ATP11B: variants seen among roughly 807,000 people sequenced by gnomAD.
ATP11B encodes phospholipid-transporting ATPase IF.
In ATP11B, 81 loss-of-function variants were observed where a neutral mutation model predicts 157.8. The observed-to-expected ratio is 0.51, with a 90% confidence interval of 0.43 to 0.62. ATP11B has a LOEUF of 0.62. ATP11B is among the 20% of genes least tolerant of loss of function. The probability of loss-of-function intolerance (pLI) is 0.00; values close to 1 mark genes in which losing one functional copy is unlikely to be tolerated. For missense variants in ATP11B, 1,165 were observed against 1,402.2 expected (o/e 0.83, Z 2.70); for synonymous variants, 451 against 469.4 (o/e 0.96, Z 0.51).
At chr3:182,844,999 TTTTTTTA>T (rs1577010761) in intron 8 of ATP11B, among the ~76,000 whole-genome samples, 1 of 117,906 alleles carries the variant, frequency 8.5e-6, no homozygotes, top group African/African-American at 3.7e-5. Flanking sequence ...TTTTTATTTT[TTTTTTTA>T]TTTTTTTTTA....
chr3:182,867,676 C>T (rs1197932895), intron 15 of ATP11B, among the ~76,000 whole-genome samples: 1 of 151,576 alleles, frequency 6.6e-6, no homozygotes, highest in Non-Finnish European at 1.5e-5. Context: ...CTCCACCTCC[C>T]AGGTTCAAGT....
At chr3:182,908,520 C>G (rs191080055) in intron 28 of ATP11B, 1 of 152,172 alleles carries the variant, frequency 6.6e-6, no homozygotes, top group African/African-American at 2.4e-5. Context: ...GTAATACATA[C>G]AGAAATCTCC....
At chr3:182,798,116 G>C (rs1433863762) in intron 1 of ATP11B, among the ~76,000 whole-genome samples, 1 of 152,200 alleles carries the variant, frequency 6.6e-6, no homozygotes, top group Non-Finnish European at 1.5e-5. Context: ...TAGCCTGGGT[G>C]ACAGAGTGAG....
At chr3:182,909,118 A>T (rs908174862) in intron 28 of ATP11B, among the ~76,000 whole-genome samples, 24 of 152,254 alleles carry the variant, frequency 1.6e-4, no homozygotes, top group African/African-American at 5.1e-4. Context: ...TCTAAAATTT[A>T]TAAGATTTAA....
chr3:182,869,442 T>TA, intron 17 of ATP11B, 111 bp downstream of exon 17: 1 of 711,410 alleles, frequency 1.4e-6, no homozygotes, highest in Non-Finnish European at 2.2e-6. Context: ...GCAGTTGTGT[T>TA]ACACTGTGTG....
At chr3:182,846,465 C>A (rs886853480) in intron 9 of ATP11B, among the ~76,000 whole-genome samples, 2 of 152,182 alleles carry the variant, frequency 1.3e-5, no homozygotes, top group African/African-American at 4.8e-5. Flanking sequence ...AATGATCCCA[C>A]ACTACATATA....
intron 1 of ATP11B, among the ~76,000 whole-genome samples, chr3:182,819,830 C>G (rs963879224): frequency 1.3e-5 from 2 of 152,078 alleles, no homozygotes; most frequent in Admixed American, 6.5e-5. Flanking sequence ...TTCCACATCA[C>G]TGAGTAGAAA....
At chr3:182,801,604 T>C (rs1463456497) in intron 1 of ATP11B, among the ~76,000 whole-genome samples, 1 of 152,188 alleles carries the variant, frequency 6.6e-6, no homozygotes, top group Non-Finnish European at 1.5e-5. Context: ...TTGTTTTATC[T>C]ATTCCCCCCA....
intron 24 of ATP11B, among the ~76,000 whole-genome samples, chr3:182,888,195 A>G (rs1722927391): frequency 6.6e-6 from 1 of 152,182 alleles, no homozygotes; most frequent in Non-Finnish European, 1.5e-5. Context: ...GTTCCTCAGG[A>G]CCAGCTATGG....
intron 10 of ATP11B, 117 bp from the exon 11 acceptor site, chr3:182,857,761 G>C (rs970552134): frequency 1.8e-6 from 1 of 551,740 alleles, no homozygotes; most frequent in African/African-American, 1.9e-5. Flanking sequence ...TTTTAAAATA[G>C]TTACAGTAAT....
At chr3:182,915,350 T>C in intron 29 of ATP11B, 1 of 985,364 alleles carries the variant, frequency 1.0e-6, no homozygotes. Context: ...GTAATTTCAT[T>C]CCACGTAGAA....
intron 1 of ATP11B, among the ~76,000 whole-genome samples, chr3:182,798,182 A>G (rs1206907141): frequency 1.3e-5 from 2 of 152,230 alleles, no homozygotes; most frequent in African/African-American, 4.8e-5. Context: ...GTGGAAGTCT[A>G]GATATCTCAC....
chr3:182,843,147 T>C (rs1244621330), intron 8 of ATP11B, among the ~76,000 whole-genome samples: 3 of 152,244 alleles, frequency 2.0e-5, no homozygotes, highest in Non-Finnish European at 4.4e-5. Context: ...TCATTTACCC[T>C]CAGCTATTAT....
At chr3:182,885,054 A>C (rs1046754848) in intron 22 of ATP11B, among the ~76,000 whole-genome samples, 156 bp downstream of exon 22, 1 of 152,166 alleles carries the variant, frequency 6.6e-6, no homozygotes, top group African/African-American at 2.4e-5. Context: ...ACAGAAAGCA[A>C]ATCAGTGGTT....
chr3:182,845,135 G>C (rs1308064253), intron 8 of ATP11B, among the ~76,000 whole-genome samples: 1 of 151,998 alleles, frequency 6.6e-6, no homozygotes, highest in African/African-American at 2.4e-5. Context: ...CTCCTGAGTA[G>C]CTGGGACTAC....
chr3:182,847,583 A>G (rs1719634230), intron 9 of ATP11B, among the ~76,000 whole-genome samples: 1 of 152,232 alleles, frequency 6.6e-6, no homozygotes, highest in Non-Finnish European at 1.5e-5. Context: ...AAGTCAAGAT[A>G]AAACTTCCAG....
At chr3:182,872,595 A>G in intron 18 of ATP11B, 58 bp downstream of exon 18, 1 of 1,371,580 alleles carries the variant, frequency 7.3e-7, no homozygotes, top group Non-Finnish European at 9.9e-7. Flanking sequence ...TTTGTAACCA[A>G]GTATTCTAAT....
At position 182,793,658 on chromosome 3, in the gene ATP11B, C is replaced by G. The variant is rs933244682; in HGVS notation, c.-102C>G. The G allele has an allele frequency of 3.3e-5, 23 of 703,498 alleles. No homozygotes were observed. The highest frequency in any genetic ancestry group is 4.3e-5 in the Non-Finnish European group (21 of 483,788). The allele number at this position is 703,498 out of a possible 1,614,324, so 43.6% of individuals were successfully genotyped here. A position where few individuals can be genotyped will look rare whatever the true frequency, so the allele number is the denominator to read the frequency against. On this transcript the variant is annotated 5_prime_UTR_variant, in exon 1 of 30. Transcript: ENST00000323116. ...GCGGCGGCGGCGGTAAGCGGAACTT[C>G]GGCCCGAGGGGCTCGCCCGCTCCCG...
At chr3:182,825,854 T>G (rs957171891) in intron 2 of ATP11B, among the ~76,000 whole-genome samples, 6 of 151,824 alleles carry the variant, frequency 4.0e-5, no homozygotes, top group Non-Finnish European at 5.9e-5. Context: ...GGGCCAAGAT[T>G]GCGCCACTGC....
Sources: allele counts gnomAD v4.1 joint callset (sites outside exome capture counted in the v4.1 genomes callset), GRCh38; gene constraint gnomAD v4.1.1; transcripts MANE v1.5; gene names NCBI Gene and HGNC (gene_info 2026-07-23, HGNC 2026-07-21).